The following MYO1D variants were observed in gnomAD, a reference collection of about 807,000 sequenced individuals.
The protein encoded by MYO1D is unconventional myosin-Id.
A neutral mutation model predicts 122.0 loss-of-function variants in MYO1D; 83 were observed. The ratio of observed to expected loss-of-function variants is 0.68; its 90% CI spans 0.57 to 0.82. The LOEUF is 0.82. Ranked by LOEUF, MYO1D falls within the 40% of genes least tolerant of loss-of-function variation. MYO1D has a pLI of 0.00. For synonymous variants in MYO1D, 464 were observed against 446.9 expected, an observed-to-expected ratio of 1.04 and a Z score of -0.48; for missense variants, 1,157 against 1,269.5, an observed-to-expected ratio of 0.91 and a Z score of 1.35.
chr17:32,733,240 G>C (rs2089660928), intron 14 of MYO1D, among the ~76,000 whole-genome samples: 1 of 152,202 alleles, frequency 6.6e-6, no homozygotes, highest in African/African-American at 2.4e-5. Context: ...CAGGCACAAA[G>C]GTTTCTGGCG....
At chr17:32,650,423 G>A (rs1298382386) in intron 19 of MYO1D, among the ~76,000 whole-genome samples, 2 of 152,090 alleles carry the variant, frequency 1.3e-5, no homozygotes, top group Admixed American at 1.3e-4. Context: ...TCTTGGATCT[G>A]TGCATTTAAC....
chr17:32,496,179 C>T (rs1390122648), intron 21 of MYO1D: 1 of 152,296 alleles, frequency 6.6e-6, no homozygotes, highest in Non-Finnish European at 1.5e-5. Flanking sequence ...TGCGGTGGCT[C>T]CACGGGGTCA....
chr17:32,553,018 C>G (rs2087032273), intron 21 of MYO1D, among the ~76,000 whole-genome samples: 1 of 144,020 alleles, frequency 6.9e-6, no homozygotes, highest in Non-Finnish European at 1.5e-5. Context: ...AGGAGGACTG[C>G]TTGAGTCCAG....
At chr17:32,508,933 A>C (rs1331556597) in intron 21 of MYO1D, among the ~76,000 whole-genome samples, 1 of 152,258 alleles carries the variant, frequency 6.6e-6, no homozygotes, top group Non-Finnish European at 1.5e-5. Context: ...CTCCTCGTGC[A>C]GTGTCTGATA....
In MYO1D at chr17:32,673,090, CTTTTTTTTTTTTTTTTTTTT is replaced by C. The variant is rs60912187; in HGVS notation, c.2122-13772_2122-13753del. 1.8e-3 allele frequency among the ~76,000 whole-genome samples: 52 copies of C among 28,654 alleles called. 2 individuals are homozygous for C. The highest frequency in any genetic ancestry group is 4.7e-3 in the South Asian group (3 of 632). The allele number at this position is 28,654 out of a possible 152,430, so 18.8% of individuals were successfully genotyped here. On this transcript the variant is annotated intron_variant, in intron 16 of 21. Transcript: ENST00000318217. ...TGTAAGGAATTACATAAACATGCTA[CTTTTTTTTTTTTTTTTTTTT>C]TTTTTTTTTTTTTTTTTGAGACAGA...
Position 32,769,399 on chromosome 17 carries a change from AT to A in MYO1D, c.715-1648del, listed in dbSNP as rs1423140594. Among the ~76,000 whole-genome samples, 5 of 152,282 alleles carry A rather than the reference AT, an allele frequency of 3.3e-5. No individual in the cohort carries two copies. The East Asian group carries it at 9.7e-4, about 29-fold the overall frequency. The stretch of plus-strand genomic sequence containing the variant: ...AGGCAATGAACTAACTAATTCTGGA[AT>A]TGTCCTATCTCAGAGTTTCTTGTTA... On this transcript the variant is annotated intron_variant, in intron 6 of 21. Transcript: ENST00000318217.
At chr17:32,747,634 C>T (rs28545272) in intron 12 of MYO1D, among the ~76,000 whole-genome samples, 21 of 151,806 alleles carry the variant, frequency 1.4e-4, no homozygotes, top group African/African-American at 4.4e-4. Flanking sequence ...GTCAGGAGTT[C>T]GAAACCAGCC....
intron 16 of MYO1D, among the ~76,000 whole-genome samples, chr17:32,678,021 G>A (rs543541754): frequency 6.6e-6 from 1 of 152,216 alleles, no homozygotes; most frequent in African/African-American, 2.4e-5. Context: ...TTGAAGAAAT[G>A]GATGTGTAAT....
chr17:32,872,419 C>G (rs1427862046), intron 1 of MYO1D, among the ~76,000 whole-genome samples: 1 of 151,670 alleles, frequency 6.6e-6, no homozygotes, highest in Non-Finnish European at 1.5e-5. Flanking sequence ...ACCACAGGCA[C>G]CCACCACCAC....
chr17:32,813,545 C>G, intron 1 of MYO1D, among the ~76,000 whole-genome samples: 1 of 151,972 alleles, frequency 6.6e-6, no homozygotes, highest in Admixed American at 6.5e-5. Context: ...TCAGCAGGAA[C>G]AGAGGCTGAG....
chr17:32,724,400 C>G (rs1005693845), intron 14 of MYO1D, among the ~76,000 whole-genome samples: 5 of 152,154 alleles, frequency 3.3e-5, no homozygotes, highest in African/African-American at 1.2e-4. Context: ...GTAATTTAAA[C>G]TGACACCCGT....
intron 16 of MYO1D, among the ~76,000 whole-genome samples, chr17:32,681,536 T>C (rs1160390121): frequency 6.6e-6 from 1 of 151,084 alleles, no homozygotes; most frequent in African/African-American, 2.4e-5. Context: ...GAGCAGGTTG[T>C]TCAGTTTCCA....
At position 32,745,182 on chromosome 17, in the gene MYO1D, A is replaced by G. The variant is rs140528525; in HGVS notation, c.1613+29T>C. 2,350 of 1,215,734 alleles carry G rather than the reference A, an allele frequency of 1.9e-3. 20 individuals carry two copies. In the East Asian group the frequency reaches 0.028, roughly 15 times the overall value. 75.3% of individuals were successfully genotyped at this position (1,215,734 alleles called of 1,614,324 possible). On this transcript the variant is annotated intron_variant, in intron 13 of 21. Coordinates refer to ENST00000318217, the MANE Select transcript of MYO1D (RefSeq NM_015194.3). The stretch of plus-strand genomic sequence containing the variant: ...TTACATATGTCAATGAGCTTAATCT[A>G]GAGTTAATTAATAAAATTTCAATCT...
intron 10 of MYO1D, 47 bp from the exon 11 acceptor site, chr17:32,755,709 G>A (rs766769437): frequency 2.6e-6 from 4 of 1,550,742 alleles, no homozygotes; most frequent in East Asian, 2.3e-5. Flanking sequence ...CAGTGACCAG[G>A]CCAGGTTAAA....
intron 20 of MYO1D, chr17:32,632,580 TATATATACACACACACAC>T (rs1567919788): frequency 1.1e-5 from 1 of 94,408 alleles, no homozygotes; most frequent in African/African-American, 6.2e-5. Context: ...TATATATATA[TATATATACACACACACAC>T]ACACACACAC....
At chr17:32,751,169 G>A (rs541016972) in intron 11 of MYO1D, among the ~76,000 whole-genome samples, 2 of 151,950 alleles carry the variant, frequency 1.3e-5, no homozygotes, top group East Asian at 3.9e-4. Flanking sequence ...TTATTTGCCT[G>A]TCTCTCCATG....
chr17:32,607,295 G>C (rs2087640777), intron 20 of MYO1D, among the ~76,000 whole-genome samples: 2 of 152,100 alleles, frequency 1.3e-5, no homozygotes, highest in African/African-American at 4.8e-5. Flanking sequence ...AGCGCATCTA[G>C]TAAGGTCAAA....
At chr17:32,576,231 A>C (rs2087277364) in intron 21 of MYO1D, among the ~76,000 whole-genome samples, 1 of 152,210 alleles carries the variant, frequency 6.6e-6, no homozygotes, top group African/African-American at 2.4e-5. Context: ...TTAGGTTCTA[A>C]GCACTATGAC....
At chr17:32,545,678 A>G (rs1390451541) in intron 21 of MYO1D, among the ~76,000 whole-genome samples, 1 of 152,200 alleles carries the variant, frequency 6.6e-6, no homozygotes, top group African/African-American at 2.4e-5. Context: ...CAATTATTAT[A>G]CATTCTTATT....
Sources: allele counts gnomAD v4.1 joint callset (sites outside exome capture counted in the v4.1 genomes callset), GRCh38; gene constraint gnomAD v4.1.1; transcripts MANE v1.5; gene names NCBI Gene and HGNC (gene_info 2026-07-23, HGNC 2026-07-21).